Variants in TBX2 observed in about 807,000 individuals in gnomAD.
The protein encoded by TBX2 is T-box transcription factor TBX2.
In TBX2, 19 loss-of-function variants were observed where a neutral mutation model predicts 48.4. The observed-to-expected ratio is 0.39, with a 90% confidence interval of 0.27 to 0.58. TBX2 has a LOEUF of 0.58. TBX2 is among the 20% of genes least tolerant of loss of function. The pLI is 0.54. For synonymous variants in TBX2, 522 were observed against 459.7 expected (o/e 1.14, Z -1.73); for missense variants, 994 against 1,006.5 (o/e 0.99, Z 0.17).
Position 61,400,404 on chromosome 17 carries a change from C to T in TBX2, c.228C>T (p.His76=). The T allele has an allele frequency of 2.0e-6, 3 of 1,488,188 alleles. No homozygotes were observed. The African/African-American group carries it at 4.3e-5, about 21-fold the overall frequency. 92.2% of individuals were successfully genotyped at this position (1,488,188 alleles called of 1,614,324 possible). A position where few individuals can be genotyped will look rare whatever the true frequency, so the allele number is the denominator to read the frequency against. Reference sequence around the variant, plus strand: ...CAGCAGCGGCCGAGGCGGGGCTGCACGTCTCGGCACTGGGCCCGCACCCGC... The same window carrying T: ...CAGCAGCGGCCGAGGCGGGGCTGCATGTCTCGGCACTGGGCCCGCACCCGC... The part of the protein sequence containing the change: ...AAAAAAEAGL[H]VSALGPHPPA... The change falls in exon 1 of 7, where the codon CAC becomes CAT. Residue 76 remains histidine, a synonymous_variant. Transcript: ENST00000240328. The surrounding 1 kb of genome is among the most constrained non-coding windows in gnomAD (Gnocchi z 9.2).
chr17:61,401,766 G>A lies in TBX2; in HGVS notation c.478G>A (p.Ala160Thr), dbSNP rs1229581007. 14 of 1,613,006 alleles carry A rather than the reference G, an allele frequency of 8.7e-6. No individual in the cohort carries two copies. The highest frequency in any genetic ancestry group is 1.1e-5 in the Non-Finnish European group (13 of 1,180,030). The change falls in exon 2 of 7, where the codon GCT (alanine) becomes ACT (threonine). Residue 160 changes from alanine (A) to threonine (T), a missense_variant. Coordinates refer to ENST00000240328, the MANE Select transcript of TBX2 (RefSeq NM_005994.4). ...KYILLMDIVA[A>T]DDCRYKFHNS... ...TATCCTGCTGATGGACATTGTAGCC[G>A]CTGACGATTGCCGCTATAAGTTCCA...
At position 61,404,535 on chromosome 17, in the gene TBX2, C is replaced by A; in HGVS notation, c.887+38C>A. 2.5e-6 allele frequency: 4 copies of A among 1,588,906 alleles called. 1 individual carries two copies. The highest frequency in any genetic ancestry group is 3.5e-5 in the Admixed American group (2 of 56,912). On this transcript the variant is annotated intron_variant, in intron 4 of 6. Coordinates refer to ENST00000240328, the MANE Select transcript of TBX2 (RefSeq NM_005994.4). ...GGACAGCAGCCCTGTGGCGGGTGCC[C>A]GCGGGAGCAGCGAGCAGGAGGGATG...
Position 61,405,236 on chromosome 17 carries a change from G to T in TBX2, c.1086G>T (p.Pro362=). 1 of 1,568,102 alleles carries T rather than the reference G, an allele frequency of 6.4e-7. No homozygotes were observed. The change falls in exon 6 of 7, where the codon CCG becomes CCT. Residue 362 remains proline (P), a synonymous_variant. Transcript: ENST00000240328. The part of the protein sequence containing the change: ...EEKSCAADSD[P]EPERLSEERA... The stretch of plus-strand genomic sequence containing the variant: ...AGTCGTGCGCCGCGGACAGCGACCC[G>T]GAGCCTGAGCGGTTGAGCGAGGAGC...
chr17:61,407,601 C>T (rs2060294115), intron 6 of TBX2: 1 of 158,306 alleles, frequency 6.3e-6, no homozygotes, highest in Admixed American at 6.5e-5. Context: ...TGCAAAGTGC[C>T]TTCCCCAGCA....
Position 61,408,432 on chromosome 17 carries a change from C to T in TBX2, c.2065C>T (p.Gln689Ter). 6.6e-7 allele frequency: 1 copy of T among 1,518,852 alleles called. No individual in the cohort carries two copies. The highest frequency in any genetic ancestry group is 8.8e-7 in the Non-Finnish European group (1 of 1,131,682). 94.1% of individuals were successfully genotyped at this position (1,518,852 alleles called of 1,614,324 possible). A position where few individuals can be genotyped will look rare whatever the true frequency, so the allele number is the denominator to read the frequency against. Reference sequence around the variant, plus strand: ...GGCCAAGGAGGCGGCCAATGAACTGCAGAGCATCCAGAGACTGGTGAGTGG... The same window carrying T: ...GGCCAAGGAGGCGGCCAATGAACTGTAGAGCATCCAGAGACTGGTGAGTGG... The part of the protein sequence containing the change: ...GSAKEAANEL[Q>*]SIQRLVSGLE... Residue 689 changes from glutamine to a stop codon, truncating the protein, a stop_gained, in exon 7 of 7, where the codon CAG (glutamine) becomes TAG (stop). Transcript: ENST00000240328. LOFTEE classifies it high-confidence loss of function.
At position 61,400,321 on chromosome 17, in the gene TBX2, G is replaced by A; in HGVS notation, c.145G>A (p.Ala49Thr). The A allele has an allele frequency of 9.6e-7, 1 of 1,043,170 alleles. No homozygotes were observed. Among genetic ancestry groups the A allele is most frequent in the Non-Finnish European group, 1.2e-6 (1 of 862,220 alleles). The allele number at this position is 1,043,170 out of a possible 1,614,324, so 64.6% of individuals were successfully genotyped here. A position where few individuals can be genotyped will look rare whatever the true frequency, so the allele number is the denominator to read the frequency against. The change falls in exon 1 of 7, where the codon GCC becomes ACC. Residue 49 changes from alanine (A) to threonine (T), a missense_variant. Ala to Thr is a moderately conservative substitution (Grantham distance 58). Coordinates refer to ENST00000240328, the MANE Select transcript of TBX2 (RefSeq NM_005994.4). This position sits in a 1 kb window ranked among gnomAD's most constrained non-coding sequence, Gnocchi z 9.2. ...ACTCGCGCTGCCGCCCGGCGCGCTG[G>A]CCAAGCCGCTGCCCGACCCGGGCCT... ...PALALPPGAL[A>T]KPLPDPGLAG...
At position 61,405,614 on chromosome 17, in the gene TBX2, G is replaced by T. The variant is rs758361103; in HGVS notation, c.1464G>T (p.Pro488=). 9 of 1,590,430 alleles carry T rather than the reference G, an allele frequency of 5.7e-6. No individual in the cohort carries two copies. The African/African-American group carries it at 9.4e-5, about 17-fold the overall frequency. The change falls in exon 6 of 7, where the codon CCG becomes CCT. Residue 488 remains proline, a synonymous_variant. Coordinates refer to ENST00000240328, the MANE Select transcript of TBX2 (RefSeq NM_005994.4). ...QFFGPLGAGQ[P]LFLHPGQFTM... ...TTGGGCCGCTGGGAGCCGGCCAGCC[G>T]CTCTTCCTGCACCCTGGACAGTTCA...
At chr17:61,402,737 G>GT (rs1330866341) in intron 2 of TBX2, among the ~76,000 whole-genome samples, 2 of 151,452 alleles carry the variant, frequency 1.3e-5, no homozygotes, top group Admixed American at 6.6e-5. Context: ...TTTTTGGTTG[G>GT]TTTTTTTGTT....
At position 61,409,263 on chromosome 17, in the gene TBX2, G is replaced by T. The variant is rs3198587; in HGVS notation, c.*757G>T. On this transcript the variant is annotated 3_prime_UTR_variant, in exon 7 of 7. Transcript: ENST00000240328. ...TGAGCATCTATATTGTACAGGGCTG[G>T]GGGGGCCCTTGGCTGCGGGAGAAGG... 1 of 152,172 alleles carries T rather than the reference G, an allele frequency of 6.6e-6. No homozygotes were observed. The highest frequency in any genetic ancestry group is 1.5e-5 in the Non-Finnish European group (1 of 67,940). The allele number at this position is 152,172 out of a possible 1,614,324, so 9.4% of individuals were successfully genotyped here.
rs772288115 is a variant in TBX2, at chr17:61,401,704, A to C, written c.416A>C (p.Lys139Thr). 10 of 1,612,394 alleles carry C rather than the reference A, an allele frequency of 6.2e-6. No homozygotes were observed. The highest frequency in any genetic ancestry group is 6.8e-6 in the Non-Finnish European group (8 of 1,179,662). The change falls in exon 2 of 7, where the codon AAG becomes ACG. Residue 139 changes from lysine to threonine, a missense_variant. Around this residue, in one of 5 missense-constraint regions of TBX2, gnomAD observed 153 missense variants for 166.2 expected, o/e 0.92. Transcript: ENST00000240328. Reference sequence around the variant, plus strand: ...CCCAGGCGGATGTTCCCCCCCTTCAAGGTGCGAGTCAGCGGCCTGGACAAG... The same window carrying C: ...CCCAGGCGGATGTTCCCCCCCTTCACGGTGCGAGTCAGCGGCCTGGACAAG... ...KSGRRMFPPF[K>T]VRVSGLDKKA... is the part of the protein sequence containing the mutation.
At chr17:61,404,939 G>C (rs8080990) in intron 5 of TBX2, 170 bp downstream of exon 5, 96,056 of 1,253,348 alleles carry the variant, frequency 0.077, 5,414 homozygotes, top group East Asian at 0.28. Flanking sequence ...GGCGGTCCCC[G>C]GTAGCCAGAA....
chr17:61,404,790 G>T (rs751186344), intron 5 of TBX2, 21 bp downstream of exon 5: 1 of 1,512,620 alleles, frequency 6.6e-7, no homozygotes, highest in Non-Finnish European at 8.9e-7. Flanking sequence ...GACCGGAGGA[G>T]GGACAGGGAG....
rs1603241388 is a variant in TBX2 at position 61,404,408 on chromosome 17, T to G, written c.811-13T>G. 6.2e-7 allele frequency: 1 copy of G among 1,600,650 alleles called. No homozygotes were observed. The highest frequency in any genetic ancestry group is 2.3e-5 in the East Asian group (1 of 44,210). ...CACGGCCTGACTTAGCGCCGCCCCC[T>G]TGGTCCCCGCAGATCACACAGCTGA... is the stretch of plus-strand genomic sequence containing the variant. On this transcript the variant is annotated splice_polypyrimidine_tract_variant and intron_variant, in intron 3 of 6. Coordinates refer to ENST00000240328, the MANE Select transcript of TBX2 (RefSeq NM_005994.4).
Position 61,400,196 on chromosome 17 carries a change from C to A in TBX2, c.20C>A (p.Ala7Glu). Residue 7 changes from alanine (A) to glutamate (E), a missense_variant, in exon 1 of 7, where the codon GCG becomes GAG. By Grantham distance (107) the Ala-to-Glu change is moderately radical. Coordinates refer to ENST00000240328, the MANE Select transcript of TBX2 (RefSeq NM_005994.4). The surrounding 1 kb of genome is among the most constrained non-coding windows in gnomAD (Gnocchi z 9.2). The part of the protein sequence containing the change: MREPAL[A>E]ASAMAYHPFH... ...GTCCCGATGAGAGAGCCGGCGCTGG[C>A]GGCCAGCGCCATGGCTTACCACCCG... is the stretch of plus-strand genomic sequence containing the variant. 1 of 1,152,284 alleles carries A rather than the reference C, an allele frequency of 8.7e-7. No individual in the cohort carries two copies. The highest frequency in any genetic ancestry group is 1.1e-6 in the Non-Finnish European group (1 of 921,190). The allele number at this position is 1,152,284 out of a possible 1,614,324, so 71.4% of individuals were successfully genotyped here. A position where few individuals can be genotyped will look rare whatever the true frequency, so the allele number is the denominator to read the frequency against.
At position 61,403,869 on chromosome 17, in the gene TBX2, C is replaced by T. The variant is rs542365752; in HGVS notation, c.811-552C>T. 6.6e-5 allele frequency among the ~76,000 whole-genome samples: 10 copies of T among 152,242 alleles called. No homozygotes were observed. The highest frequency in any genetic ancestry group is 6.2e-4 in the South Asian group (3 of 4,828). On this transcript the variant is annotated intron_variant, in intron 3 of 6. Transcript: ENST00000240328. This position sits in a 1 kb window ranked among gnomAD's most constrained non-coding sequence, Gnocchi z 5.8. ...AAAGAGAGGGTACGAGTGTCCGTGC[C>T]GGTCGTTGTGGCTTTGTGAACCAAG...
At chr17:61,405,956 T>C (rs2060287360) in intron 6 of TBX2, 120 bp downstream of exon 6, 1 of 1,084,718 alleles carries the variant, frequency 9.2e-7, no homozygotes, top group Non-Finnish European at 1.2e-6. Context: ...AGGCAAGAAC[T>C]CCATCCAGGG....
At position 61,404,658 on chromosome 17, in the gene TBX2, G is replaced by A. The variant is rs760414139; in HGVS notation, c.940G>A (p.Glu314Lys). The change falls in exon 5 of 7, where the codon GAG (glutamate) becomes AAG (lysine). Residue 314 changes from glutamate to lysine, a missense_variant. Coordinates refer to ENST00000240328, the MANE Select transcript of TBX2 (RefSeq NM_005994.4). ...CTTGTACGAGGAGCACTGCAAACCC[G>A]AGCGCGATGGCGCGGAGTCAGACGC... ...LRLYEEHCKPERDGAESDASS... is the reference protein window; with the variant it reads ...LRLYEEHCKPKRDGAESDASS... 2.5e-6 allele frequency: 4 copies of A among 1,588,728 alleles called. No individual in the cohort carries two copies. The highest frequency in any genetic ancestry group is 2.6e-6 in the Non-Finnish European group (3 of 1,167,840).
Position 61,401,743 on chromosome 17 carries a change from T to G in TBX2, c.455T>G (p.Ile152Ser), listed in dbSNP as rs751063145. ...GGCCTGGACAAGAAGGCCAAGTATA[T>G]CCTGCTGATGGACATTGTAGCCGCT... ...VSGLDKKAKY[I>S]LLMDIVAADD... Residue 152 changes from isoleucine to serine, a missense_variant, in exon 2 of 7, where the codon ATC (isoleucine) becomes AGC (serine). Physicochemically the swap from Ile to Ser is moderately radical, Grantham distance 142. Coordinates refer to ENST00000240328, the MANE Select transcript of TBX2 (RefSeq NM_005994.4). 1.9e-6 allele frequency: 3 copies of G among 1,612,852 alleles called. No individual in the cohort carries two copies. The highest frequency in any genetic ancestry group is 1.3e-5 in the African/African-American group (1 of 74,890).
In TBX2 at chr17:61,400,389, C is replaced by G. The variant is rs1172783005; in HGVS notation, c.213C>G (p.Ala71=). The G allele has an allele frequency of 8.3e-7, 1 of 1,204,094 alleles. No individual in the cohort carries two copies. Among genetic ancestry groups the G allele is most frequent in the Non-Finnish European group, 1.0e-6 (1 of 966,308 alleles). 74.6% of individuals were successfully genotyped at this position (1,204,094 alleles called of 1,614,324 possible). A position where few individuals can be genotyped will look rare whatever the true frequency, so the allele number is the denominator to read the frequency against. Residue 71 remains alanine, a synonymous_variant, in exon 1 of 7, where the codon GCC becomes GCG. Transcript: ENST00000240328. This position sits in a 1 kb window ranked among gnomAD's most constrained non-coding sequence, Gnocchi z 9.2. Reference sequence around the variant, plus strand: ...CGGCGGCGGCGGCGGCAGCAGCGGCCGAGGCGGGGCTGCACGTCTCGGCAC... The same window carrying G: ...CGGCGGCGGCGGCGGCAGCAGCGGCGGAGGCGGGGCTGCACGTCTCGGCAC... The part of the protein sequence containing the change: ...AAAAAAAAAA[A]EAGLHVSALG...
Sources: allele counts gnomAD v4.1 joint callset (sites outside exome capture counted in the v4.1 genomes callset), GRCh38; gene constraint gnomAD v4.1.1; regional missense constraint gnomAD v4.1.1; non-coding constraint Gnocchi (gnomAD v3.1); transcripts MANE v1.5; gene names NCBI Gene and HGNC (gene_info 2026-07-23, HGNC 2026-07-21).